The following ITGB6 variants were observed in gnomAD, a reference collection of about 807,000 sequenced individuals.
The protein encoded by ITGB6 is integrin beta-6.
ITGB6 carries 80 observed loss-of-function variants against 84.5 expected under a neutral mutation model. The ratio of observed to expected loss-of-function variants is 0.95; its 90% CI spans 0.79 to 1.14. The LOEUF (loss-of-function observed/expected upper bound fraction) is 1.14, where lower values mean the gene tolerates loss of function less well. ITGB6 is among the 50% of genes most tolerant of loss of function. ITGB6 has a pLI of 0.00. For missense variants in ITGB6, 1,006 were observed against 968.0 expected (o/e 1.04, Z -0.52); for synonymous variants, 383 against 354.9 (o/e 1.08, Z -0.89).
chr2:160,191,231 C>T (rs1686129177), intron 4 of ITGB6, among the ~76,000 whole-genome samples: 1 of 152,110 alleles, frequency 6.6e-6, no homozygotes, highest in Non-Finnish European at 1.5e-5. Context: ...GTCTTTATAA[C>T]TCTTTATAGA....
chr2:160,114,280 T>C (rs546415475), intron 12 of ITGB6, among the ~76,000 whole-genome samples: 28 of 152,328 alleles, frequency 1.8e-4, no homozygotes, highest in Admixed American at 1.6e-3. Context: ...TATTCTCAAA[T>C]GTGCAACGAC....
At chr2:160,119,563 C>G (rs1291956464) in intron 12 of ITGB6, among the ~76,000 whole-genome samples, 1 of 151,770 alleles carries the variant, frequency 6.6e-6, no homozygotes, top group African/African-American at 2.4e-5. Context: ...CATAAAAACC[C>G]TAGAAGAAAA....
chr2:160,108,217 G>GTGTGTT (rs1202055308), intron 13 of ITGB6, among the ~76,000 whole-genome samples: 3 of 75,018 alleles, frequency 4.0e-5, no homozygotes, highest in African/African-American at 1.1e-4. Flanking sequence ...GAAATGGAGT[G>GTGTGTT]TGTGTGTGTG....
At chr2:160,136,973 G>A (rs1242939050) in intron 10 of ITGB6, among the ~76,000 whole-genome samples, 2 of 150,746 alleles carry the variant, frequency 1.3e-5, no homozygotes, top group Admixed American at 1.3e-4. Context: ...AATGGGTGCA[G>A]CACACCAACA....
intron 14 of ITGB6, among the ~76,000 whole-genome samples, chr2:160,104,702 T>A (rs747725005): frequency 2.6e-5 from 4 of 152,224 alleles, no homozygotes; most frequent in Non-Finnish European, 4.4e-5. Context: ...AACATTTTTT[T>A]GCCTCAAGTT....
At chr2:160,144,727 C>A (rs1444991973) in intron 7 of ITGB6, among the ~76,000 whole-genome samples, 1 of 152,222 alleles carries the variant, frequency 6.6e-6, no homozygotes, top group African/African-American at 2.4e-5. Flanking sequence ...GTGGTTAATT[C>A]TTGGCTAACA....
At position 160,123,880 on chromosome 2, in the gene ITGB6, A is replaced by G. The variant is rs370714170; in HGVS notation, c.1892T>C (p.Ile631Thr). 6.0e-5 allele frequency: 96 copies of G among 1,613,074 alleles called. No homozygotes were observed. Among genetic ancestry groups the G allele is most frequent in the Admixed American group, 1.7e-4 (10 of 59,998 alleles). ...GDPCNSKRSCIECHLSAAGQA... is the reference protein window; with the variant it reads ...GDPCNSKRSCTECHLSAAGQA... ...GCCAGCTGCTGACAGGTGGCACTCA[A>G]TGCAGCTCCTGTGGACAGTATCCAA... Residue 631 changes from isoleucine (I) to threonine (T), a missense_variant, in exon 12 of 15, where the codon ATT becomes ACT. Physicochemically the swap from Ile to Thr is moderately conservative, Grantham distance 89. Coordinates refer to ENST00000283249, the MANE Select transcript of ITGB6 (RefSeq NM_000888.5).
rs893877648 is a variant in ITGB6 at position 160,169,412 on chromosome 2, T to C, written c.922-105A>G. On this transcript the variant is annotated intron_variant, in intron 6 of 14. Coordinates refer to ENST00000283249, the MANE Select transcript of ITGB6 (RefSeq NM_000888.5). The stretch of plus-strand genomic sequence containing the variant: ...CTTTTTGAGTTTGGCATTTCAATGC[T>C]CACAGGCATTATAGCTCTATCACTC... The C allele has an allele frequency of 4.8e-6, 3 of 629,386 alleles. No individual in the cohort carries two copies. In the African/African-American group the frequency reaches 5.5e-5, roughly 12 times the overall value. 39.0% of individuals were successfully genotyped at this position (629,386 alleles called of 1,614,324 possible). A position where few individuals can be genotyped will look rare whatever the true frequency, so the allele number is the denominator to read the frequency against.
intron 12 of ITGB6, among the ~76,000 whole-genome samples, chr2:160,121,068 A>C (rs6728154): frequency 0.093 from 14,119 of 152,090 alleles, 1,055 homozygotes; most frequent in East Asian, 0.3. Context: ...AATGATAATA[A>C]AATTTAAAAA....
chr2:160,110,467 C>T (rs1682448220), intron 13 of ITGB6, among the ~76,000 whole-genome samples: 1 of 152,288 alleles, frequency 6.6e-6, no homozygotes, highest in South Asian at 2.1e-4. Flanking sequence ...CTCATCACCT[C>T]AAGGGCCTGG....
In ITGB6 at chr2:160,127,793, GT is replaced by G. The variant is rs796975106; in HGVS notation, c.1661-1193del. 6.8e-4 allele frequency among the ~76,000 whole-genome samples: 103 copies of G among 152,278 alleles called. 1 individual carries two copies. The highest frequency in any genetic ancestry group is 2.4e-3 in the African/African-American group (99 of 41,564). On this transcript the variant is annotated intron_variant, in intron 10 of 14. Coordinates refer to ENST00000283249, the MANE Select transcript of ITGB6 (RefSeq NM_000888.5). ...GTGTGTCTCTGTGCATATTTATTTAGTTATTTTTATATTTTGCTTTTAGTTA... is the reference window on the plus strand; with the variant it reads ...GTGTGTCTCTGTGCATATTTATTTAGTATTTTTATATTTTGCTTTTAGTTA...
chr2:160,185,290 T>C lies in ITGB6; in HGVS notation c.593+10079A>G, dbSNP rs576325105. Among the ~76,000 whole-genome samples, 4 of 152,296 alleles carry C rather than the reference T, an allele frequency of 2.6e-5. No individual in the cohort carries two copies. In the East Asian group the frequency reaches 7.7e-4, roughly 29 times the overall value. Reference sequence around the variant, plus strand: ...AAGCAACTTCAGCAAAGTCTCAGGATACAAAATCAATGTGCAAAAATCACA... The same window carrying C: ...AAGCAACTTCAGCAAAGTCTCAGGACACAAAATCAATGTGCAAAAATCACA... On this transcript the variant is annotated intron_variant, in intron 4 of 14. Coordinates refer to ENST00000283249, the MANE Select transcript of ITGB6 (RefSeq NM_000888.5).
chr2:160,132,603 G>A (rs544026015), intron 10 of ITGB6, among the ~76,000 whole-genome samples: 1 of 152,096 alleles, frequency 6.6e-6, no homozygotes, highest in Non-Finnish European at 1.5e-5. Context: ...GTGAAGAACA[G>A]AGATATTGAA....
chr2:160,146,361 T>C (rs1417986449), intron 7 of ITGB6, among the ~76,000 whole-genome samples: 1 of 152,168 alleles, frequency 6.6e-6, no homozygotes, highest in Non-Finnish European at 1.5e-5. Context: ...CTTTAGACTC[T>C]CTGCTTGCTT....
At chr2:160,112,221 A>G (rs1682564583) in intron 12 of ITGB6, 22 bp from the exon 13 acceptor site, 4 of 1,549,062 alleles carry the variant, frequency 2.6e-6, no homozygotes, top group Non-Finnish European at 3.5e-6. Flanking sequence ...GGAGTCATTC[A>G]TTAGGTTAAA....
intron 4 of ITGB6, among the ~76,000 whole-genome samples, chr2:160,189,804 C>G (rs1001334816): frequency 6.6e-6 from 1 of 152,122 alleles, no homozygotes; most frequent in Non-Finnish European, 1.5e-5. Context: ...GGCGATGCCT[C>G]AGGGATCTAG....
rs575579684 is a variant in ITGB6 at position 160,173,668 on chromosome 2, T to A, written c.759+306A>T. Among the ~76,000 whole-genome samples, 10 of 152,234 alleles carry A rather than the reference T, an allele frequency of 6.6e-5. No individual in the cohort carries two copies. In the South Asian group the frequency reaches 8.3e-4, roughly 13 times the overall value. On this transcript the variant is annotated intron_variant, in intron 5 of 14. Coordinates refer to ENST00000283249, the MANE Select transcript of ITGB6 (RefSeq NM_000888.5). ...TGTTCTACCCTTGATTTTTTTATCATGATTAATCCAAAAACTAATCTGATC... is the reference window on the plus strand; with the variant it reads ...TGTTCTACCCTTGATTTTTTTATCAAGATTAATCCAAAAACTAATCTGATC...
intron 10 of ITGB6, among the ~76,000 whole-genome samples, chr2:160,135,083 G>C (rs536873477): frequency 1.3e-5 from 2 of 151,938 alleles, no homozygotes; most frequent in South Asian, 2.1e-4. Flanking sequence ...AGAAATAAAG[G>C]GTATTCAATT....
chr2:160,142,465 G>T (rs915970748), intron 7 of ITGB6, among the ~76,000 whole-genome samples: 1 of 152,196 alleles, frequency 6.6e-6, no homozygotes, highest in African/African-American at 2.4e-5. Context: ...AGAAACCAAG[G>T]TTTGGTGCAC....
Sources: allele counts gnomAD v4.1 joint callset (sites outside exome capture counted in the v4.1 genomes callset), GRCh38; gene constraint gnomAD v4.1.1; transcripts MANE v1.5; gene names NCBI Gene and HGNC (gene_info 2026-07-23, HGNC 2026-07-21).